The following ARHGAP22 variants were observed in gnomAD, a reference collection of about 807,000 sequenced individuals.
ARHGAP22 encodes Rho GTPase activating protein 22.
A neutral mutation model predicts 59.1 loss-of-function variants in ARHGAP22; 48 were observed. The ratio of observed to expected loss-of-function variants is 0.81; its 90% CI spans 0.64 to 1.03. The LOEUF (loss-of-function observed/expected upper bound fraction) is 1.03, where lower values mean the gene tolerates loss of function less well. Ranked by LOEUF, ARHGAP22 falls within the 50% of genes least tolerant of loss-of-function variation. ARHGAP22 has a pLI of 0.00. For synonymous variants in ARHGAP22, 445 were observed against 416.4 expected, an observed-to-expected ratio of 1.07 and a Z score of -0.84; for missense variants, 1,015 against 958.7, an observed-to-expected ratio of 1.06 and a Z score of -0.78.
At chr10:48,432,215 T>G in the ARHGAP22 span, among the ~76,000 whole-genome samples, 1 of 152,206 alleles carries the variant, frequency 6.6e-6, no homozygotes, top group African/African-American at 2.4e-5. Context: ...GCCATTTTAA[T>G]TCCTCAGAAA....
At chr10:48,499,186 T>A (rs1328888034) in intron 3 of ARHGAP22, among the ~76,000 whole-genome samples, 4 of 152,246 alleles carry the variant, frequency 2.6e-5, no homozygotes, top group Non-Finnish European at 5.9e-5. Context: ...GGTTTCTTGG[T>A]CTGTAAGAAT....
intron 3 of ARHGAP22, among the ~76,000 whole-genome samples, chr10:48,519,700 G>A (rs2053627038): frequency 6.6e-6 from 1 of 152,230 alleles, no homozygotes; most frequent in Admixed American, 6.5e-5. Context: ...GATGGATTCG[G>A]GCACAGGCCA....
At chr10:48,431,412 G>T in the ARHGAP22 span, 5 of 612,016 alleles carry the variant, frequency 8.2e-6, no homozygotes, top group African/African-American at 1.9e-5. Flanking sequence ...ATACAGTTTT[G>T]TTTTTTCTAC....
intron 7 of ARHGAP22, 111 bp from the exon 8 acceptor site, chr10:48,453,536 CTTTT>C: frequency 1.3e-6 from 2 of 1,500,898 alleles, no homozygotes; most frequent in African/African-American, 1.4e-5. Context: ...TGCCTGTGGG[CTTTT>C]GCCCACTGGG....
chr10:48,623,730 C>T (rs1468621154), intron 1 of ARHGAP22, among the ~76,000 whole-genome samples: 1 of 152,192 alleles, frequency 6.6e-6, no homozygotes, highest in African/African-American at 2.4e-5. Context: ...TGTCCGATCT[C>T]CAGGGCAGGT....
intron 3 of ARHGAP22, chr10:48,546,753 C>T (rs906430699): frequency 6.5e-6 from 1 of 152,708 alleles, no homozygotes; most frequent in Admixed American, 6.5e-5. Context: ...TCAGGGACAC[C>T]TCTATCAGAG....
chr10:48,568,928 T>C (rs1349747721), intron 2 of ARHGAP22, among the ~76,000 whole-genome samples: 2 of 152,232 alleles, frequency 1.3e-5, no homozygotes, highest in African/African-American at 4.8e-5. Flanking sequence ...CAGACCCAGC[T>C]ACTCAGACTG....
the ARHGAP22 span, among the ~76,000 whole-genome samples, chr10:48,439,618 T>C: frequency 6.6e-6 from 1 of 152,188 alleles, no homozygotes; most frequent in Non-Finnish European, 1.5e-5. Flanking sequence ...AACCTAGTTC[T>C]TGGTAGACAT....
At chr10:48,442,652 A>G (rs1275197418), downstream of ARHGAP22, among the ~76,000 whole-genome samples, 1 of 152,070 alleles carries the variant, frequency 6.6e-6, no homozygotes, top group Non-Finnish European at 1.5e-5. Flanking sequence ...CTGGGCCCAG[A>G]AAAGTGCTCT....
chr10:48,539,458 A>G (rs2055713814), intron 3 of ARHGAP22, among the ~76,000 whole-genome samples: 1 of 150,270 alleles, frequency 6.7e-6, no homozygotes, highest in Non-Finnish European at 1.5e-5. Context: ...CGCCCGGCTA[A>G]TTTTTTGTAT....
intron 1 of ARHGAP22, among the ~76,000 whole-genome samples, chr10:48,648,154 C>T (rs2062391196): frequency 6.6e-6 from 1 of 152,088 alleles, no homozygotes; most frequent in African/African-American, 2.4e-5. Context: ...AATAATTTAG[C>T]TGTGAACCTC....
At chr10:48,619,573 A>G (rs1443314463) in intron 1 of ARHGAP22, among the ~76,000 whole-genome samples, 1 of 152,244 alleles carries the variant, frequency 6.6e-6, no homozygotes, top group East Asian at 1.9e-4. Flanking sequence ...CAAAGGCACA[A>G]GAGCATACAT....
At chr10:48,605,601 G>A (rs2060640433), upstream of ARHGAP22, among the ~76,000 whole-genome samples, 1 of 152,164 alleles carries the variant, frequency 6.6e-6, no homozygotes, top group African/African-American at 2.4e-5. Flanking sequence ...CCATGTTTCT[G>A]TTTGATGCTG....
intron 1 of ARHGAP22, among the ~76,000 whole-genome samples, chr10:48,637,568 A>G (rs2061872655): frequency 6.6e-6 from 1 of 151,584 alleles, no homozygotes; most frequent in Admixed American, 6.6e-5. Flanking sequence ...AAATGGATGG[A>G]TGGATGGGTA....
intron 3 of ARHGAP22, among the ~76,000 whole-genome samples, chr10:48,493,126 T>C (rs1234989996): frequency 1.3e-5 from 2 of 152,132 alleles, no homozygotes; most frequent in Admixed American, 6.5e-5. Context: ...TGGCGGTGTA[T>C]GTTGCCTTTG....
downstream of ARHGAP22, among the ~76,000 whole-genome samples, chr10:48,442,080 T>C (rs941968359): frequency 6.6e-6 from 1 of 152,224 alleles, no homozygotes; most frequent in African/African-American, 2.4e-5. Flanking sequence ...GCAACATTCA[T>C]GGCCCTCAAA....
intron 3 of ARHGAP22, among the ~76,000 whole-genome samples, chr10:48,487,881 A>G (rs561137620): frequency 6.6e-6 from 1 of 152,320 alleles, no homozygotes; most frequent in Non-Finnish European, 1.5e-5. Flanking sequence ...CCTGGGCAAC[A>G]TGGCAAGACC....
upstream of ARHGAP22, among the ~76,000 whole-genome samples, chr10:48,609,772 A>G (rs2135958185): frequency 6.6e-6 from 1 of 152,164 alleles, no homozygotes; most frequent in Middle Eastern, 3.4e-3. Flanking sequence ...GGCCACGGGG[A>G]CCTTCTACAA....
chr10:48,468,687 T>TTTAAAA (rs1185115810), intron 4 of ARHGAP22, among the ~76,000 whole-genome samples: 3 of 152,242 alleles, frequency 2.0e-5, no homozygotes, highest in Non-Finnish European at 4.4e-5. Flanking sequence ...GTATTCATGT[T>TTTAAAA]CATTTTTTAA....
Sources: gnomAD v4.1 joint callset for allele counts (sites outside exome capture counted in the v4.1 genomes callset) on GRCh38, gnomAD v4.1.1 for gene constraint, MANE v1.5 for transcripts, NCBI Gene and HGNC (gene_info 2026-07-23, HGNC 2026-07-21) for gene names.